Variants in CYP2C8 observed in about 807,000 individuals in gnomAD.
CYP2C8 encodes the protein cytochrome P450 family 2 subfamily C member 8, also known as cytochrome P450 2C8.
Under a neutral mutation model 41.3 loss-of-function variants are expected in CYP2C8, and 51 were observed. The observed-to-expected ratio is 1.24, with a 90% CI of 0.99 to 1.56. The LOEUF (loss-of-function observed/expected upper bound fraction) is 1.56, where lower values mean the gene tolerates loss of function less well. Ranked by LOEUF, CYP2C8 falls within the 40% of genes most tolerant of loss-of-function variation. The probability of loss-of-function intolerance (pLI) is 0.00; values close to 1 mark genes in which losing one functional copy is unlikely to be tolerated. For synonymous variants in CYP2C8, 218 were observed against 205.8 expected (o/e 1.06, Z -0.51); for missense variants, 651 against 579.9 (o/e 1.12, Z -1.26).
intron 4 of CYP2C8, among the ~76,000 whole-genome samples, chr10:95,059,401 T>C (rs2033377390): frequency 6.7e-6 from 1 of 148,630 alleles, no homozygotes; most frequent in Non-Finnish European, 1.5e-5. Flanking sequence ...CCAGTGATGA[T>C]GAGCATTTTT....
At chr10:95,069,012 G>T (rs181202245) in intron 1 of CYP2C8, among the ~76,000 whole-genome samples, 36 of 151,784 alleles carry the variant, frequency 2.4e-4, no homozygotes, top group Non-Finnish European at 4.3e-4. Context: ...GCAGTGAGTG[G>T]AGATAGTGCC....
chr10:95,041,365 C>T (rs187536898), intron 7 of CYP2C8, among the ~76,000 whole-genome samples: 21 of 152,276 alleles, frequency 1.4e-4, no homozygotes, highest in African/African-American at 4.6e-4. Context: ...TGAGGGAGAT[C>T]GTGTTTGCCT....
In CYP2C8 at chr10:95,067,568, C is replaced by G; in HGVS notation, c.292G>C (p.Gly98Arg). The change falls in exon 2 of 9, where the codon GGC (glycine) becomes CGC (arginine). Residue 98 changes from glycine to arginine, a missense_variant. Transcript: ENST00000371270. The part of the protein sequence containing the change: ...IDNGEEFSGR[G>R]NSPISQRITK... ...ATTCTTTGAGATATTGGGGAATTGC[C>G]TCTTCCAGAAAACTCCTCTCCATTA... 1 of 1,614,170 alleles carries G rather than the reference C, an allele frequency of 6.2e-7. No individual in the cohort carries two copies.
rs536281739 is a variant in CYP2C8 at position 95,068,095 on chromosome 10, C to T, written c.169-404G>A. 4.6e-5 allele frequency among the ~76,000 whole-genome samples: 7 copies of T among 152,278 alleles called. No individual in the cohort carries two copies. In the South Asian group the frequency reaches 1.0e-3, roughly 23 times the overall value. On this transcript the variant is annotated intron_variant, in intron 1 of 8. Coordinates refer to ENST00000371270, the MANE Select transcript of CYP2C8 (RefSeq NM_000770.3). ...TGATGCTTGAGCAATTAATCAATCCCCCATGTCCACCTTGAGGCCACTACC... is the reference window on the plus strand; with the variant it reads ...TGATGCTTGAGCAATTAATCAATCCTCCATGTCCACCTTGAGGCCACTACC...
intron 5 of CYP2C8, among the ~76,000 whole-genome samples, chr10:95,057,230 T>G (rs2033331915): frequency 6.6e-6 from 1 of 152,132 alleles, no homozygotes; most frequent in Non-Finnish European, 1.5e-5. Context: ...GCCATCAATC[T>G]GGTCCCATGT....
intron 5 of CYP2C8, among the ~76,000 whole-genome samples, chr10:95,053,851 G>A (rs1363834095): frequency 6.6e-6 from 1 of 152,038 alleles, no homozygotes; most frequent in Non-Finnish European, 1.5e-5. Context: ...GTTGATGGGT[G>A]CAGCAAACCA....
Position 95,045,959 on chromosome 10 carries a change from T to C in CYP2C8, c.820-8A>G, listed in dbSNP as rs779062442. ...CTTTTGGTTGTCCTTTTCCTAGAAG[T>C]GATTTCATGCAATTATCTGACAAAT... On this transcript the variant is annotated splice_polypyrimidine_tract_variant and splice_region_variant and intron_variant, in intron 5 of 8. Coordinates refer to ENST00000371270, the MANE Select transcript of CYP2C8 (RefSeq NM_000770.3). 1.2e-5 allele frequency: 19 copies of C among 1,613,688 alleles called. No individual in the cohort carries two copies. In the African/African-American group the frequency reaches 2.5e-4, roughly 22 times the overall value.
intron 4 of CYP2C8, among the ~76,000 whole-genome samples, chr10:95,059,078 A>G (rs1391824503): frequency 1.3e-5 from 2 of 152,182 alleles, no homozygotes; most frequent in Non-Finnish European, 2.9e-5. Flanking sequence ...AGTCTTTGCT[A>G]TTGTGAATAG....
chr10:95,062,481 T>C (rs576076030), intron 4 of CYP2C8, among the ~76,000 whole-genome samples: 1 of 152,198 alleles, frequency 6.6e-6, no homozygotes, highest in Non-Finnish European at 1.5e-5. Flanking sequence ...TTTTTTGTTT[T>C]CCATTTGCTT....
rs948540896 is a variant in CYP2C8, at chr10:95,046,068, A to G, written c.820-117T>C. On this transcript the variant is annotated intron_variant, in intron 5 of 8. Transcript: ENST00000371270. ...AGCCAAAAGAGATACTGGACAGTAC[A>G]GTATTAGAAAAAGCAACTGTGTGGT... 1.0e-5 allele frequency: 12 copies of G among 1,180,850 alleles called. No homozygotes were observed. The African/African-American group carries it at 1.1e-4, about 11-fold the overall frequency. 73.1% of individuals were successfully genotyped at this position (1,180,850 alleles called of 1,614,324 possible).
Position 95,069,348 on chromosome 10 carries a change from G to C in CYP2C8, c.55C>G (p.Leu19Val). 1 of 1,614,118 alleles carries C rather than the reference G, an allele frequency of 6.2e-7. No individual in the cohort carries two copies. Among genetic ancestry groups the C allele is most frequent in the Non-Finnish European group, 8.5e-7 (1 of 1,180,016 alleles). ...LCLSFMLLFS[L>V]WRQSCRRRKL... ...CTTCTCCTACAGCTCTGTCTCCAGAGTGAAAAGAGAAGCATAAAAGAGAGA... is the reference window on the plus strand; with the variant it reads ...CTTCTCCTACAGCTCTGTCTCCAGACTGAAAAGAGAAGCATAAAAGAGAGA... The change falls in exon 1 of 9, where the codon CTC (leucine) becomes GTC (valine). Residue 19 changes from leucine (L) to valine (V), a missense_variant. Transcript: ENST00000371270.
rs58185020 is a variant in CYP2C8, at chr10:95,053,800, C to T, written c.819+4535G>A. Among the ~76,000 whole-genome samples the T allele has an allele frequency of 1.0e-2, 1,514 of 151,874 alleles. 24 individuals are homozygous for T. Among genetic ancestry groups the T allele is most frequent in the African/African-American group, 0.034 (1,429 of 41,456 alleles). Reference sequence around the variant, plus strand: ...AGCAAGGGGAGGGAGAGCACTGGGACAAATACTTAATTCATGCGGGGCTTA... The same window carrying T: ...AGCAAGGGGAGGGAGAGCACTGGGATAAATACTTAATTCATGCGGGGCTTA... On this transcript the variant is annotated intron_variant, in intron 5 of 8. Coordinates refer to ENST00000371270, the MANE Select transcript of CYP2C8 (RefSeq NM_000770.3).
chr10:95,069,437 C>T lies in CYP2C8; in HGVS notation c.-35G>A. The T allele has an allele frequency of 3.1e-6, 5 of 1,590,206 alleles. No homozygotes were observed. The highest frequency in any genetic ancestry group is 4.3e-6 in the Non-Finnish European group (5 of 1,159,156). On this transcript the variant is annotated 5_prime_UTR_variant, in exon 1 of 9. Transcript: ENST00000371270. ...CTCTTCTTATTAAGACAGCTGTGAG[C>T]TTGCACTCCAAAGTTTTTATAACAC...
intron 5 of CYP2C8, among the ~76,000 whole-genome samples, chr10:95,048,796 A>G (rs1293922372): frequency 2.0e-5 from 3 of 152,148 alleles, no homozygotes; most frequent in Non-Finnish European, 4.4e-5. Flanking sequence ...TATGATTCTT[A>G]TATCTCACCA....
chr10:95,039,823 C>T (rs994675575), intron 7 of CYP2C8, among the ~76,000 whole-genome samples: 1 of 152,190 alleles, frequency 6.6e-6, no homozygotes, highest in African/African-American at 2.4e-5. Context: ...ACATATGTGA[C>T]ATTTCATGCT....
chr10:95,058,180 G>C (rs2134428033), intron 5 of CYP2C8, among the ~76,000 whole-genome samples, 155 bp downstream of exon 5: 1 of 152,250 alleles, frequency 6.6e-6, no homozygotes, highest in East Asian at 1.9e-4. Context: ...TTTCCATGAT[G>C]TTTAGTGCAG....
At chr10:95,054,523 A>G (rs904345325) in intron 5 of CYP2C8, among the ~76,000 whole-genome samples, 9 of 152,182 alleles carry the variant, frequency 5.9e-5, no homozygotes, top group Non-Finnish European at 1.0e-4. Context: ...CAATTTCACT[A>G]CTGCTATTCA....
chr10:95,047,134 A>G (rs566437051), intron 5 of CYP2C8, among the ~76,000 whole-genome samples: 2 of 152,258 alleles, frequency 1.3e-5, no homozygotes, highest in East Asian at 3.9e-4. Flanking sequence ...GCTATGAGCA[A>G]ATACTCCCTG....
chr10:95,043,326 A>T (rs2033045465), intron 6 of CYP2C8, among the ~76,000 whole-genome samples: 1 of 152,230 alleles, frequency 6.6e-6, no homozygotes, highest in Non-Finnish European at 1.5e-5. Flanking sequence ...ATACAAATTT[A>T]AGTAATACAT....
Sources: gnomAD v4.1 joint callset for allele counts (sites outside exome capture counted in the v4.1 genomes callset) on GRCh38, gnomAD v4.1.1 for gene constraint, MANE v1.5 for transcripts, NCBI Gene and HGNC (gene_info 2026-07-23, HGNC 2026-07-21) for gene names.